The following IL26 variants were observed in gnomAD, a reference collection of about 807,000 sequenced individuals.
IL26 encodes interleukin 26.
Under a neutral mutation model 21.7 loss-of-function variants are expected in IL26, and 23 were observed. That is an observed-to-expected ratio of 1.06 (90% CI 0.76 to 1.50). The LOEUF is 1.50. Among genes scored for constraint, IL26 ranks in the 40% most tolerant of loss-of-function variants. The probability of loss-of-function intolerance (pLI) is 0.00; values close to 1 mark genes in which losing one functional copy is unlikely to be tolerated. For synonymous variants in IL26, 63 were observed against 67.8 expected, an observed-to-expected ratio of 0.93 and a Z score of 0.34; for missense variants, 204 against 196.0, an observed-to-expected ratio of 1.04 and a Z score of -0.24.
rs962352823 is a variant in IL26 at position 68,201,554 on chromosome 12, G to A, written c.*291C>T. The stretch of plus-strand genomic sequence containing the variant: ...CCCACTCCACACACAAATATTACAC[G>A]AGTTAATTCAGGTTACATACTTTAA... On this transcript the variant is annotated 3_prime_UTR_variant, in exon 5 of 5. Coordinates refer to ENST00000229134, the MANE Select transcript of IL26 (RefSeq NM_018402.2). The A allele has an allele frequency of 3.1e-5, 7 of 228,262 alleles. No homozygotes were observed. Among genetic ancestry groups the A allele is most frequent in the African/African-American group, 6.9e-5 (3 of 43,408 alleles). 14.1% of individuals were successfully genotyped at this position (228,262 alleles called of 1,614,324 possible).
intron 3 of IL26, among the ~76,000 whole-genome samples, chr12:68,204,783 C>T (rs767754241): frequency 1.3e-5 from 2 of 152,148 alleles, no homozygotes; most frequent in African/African-American, 4.8e-5. Flanking sequence ...CTACGAGTGA[C>T]CCCTAGTAAA....
At chr12:68,204,151 T>C (rs1868466462) in intron 3 of IL26, among the ~76,000 whole-genome samples, 1 of 148,400 alleles carries the variant, frequency 6.7e-6, no homozygotes, top group Non-Finnish European at 1.5e-5. Context: ...ATTTTTTTTT[T>C]TTTTTTTTTT....
intron 3 of IL26, among the ~76,000 whole-genome samples, chr12:68,202,990 G>A (rs1018383503): frequency 6.6e-6 from 1 of 152,142 alleles, no homozygotes; most frequent in African/African-American, 2.4e-5. Context: ...TGAAGGACAT[G>A]AGAATGACAA....
intron 3 of IL26, among the ~76,000 whole-genome samples, chr12:68,218,502 G>A (rs1592900085): frequency 6.6e-6 from 1 of 152,100 alleles, no homozygotes; most frequent in African/African-American, 2.4e-5. Flanking sequence ...TGATCTTGAA[G>A]ATGTAGCAAT....
At chr12:68,209,629 T>A (rs1191435432) in intron 3 of IL26, among the ~76,000 whole-genome samples, 1 of 152,098 alleles carries the variant, frequency 6.6e-6, no homozygotes, top group Non-Finnish European at 1.5e-5. Context: ...CAGAGCTTGG[T>A]GTTCCAAAAG....
In IL26 at chr12:68,202,171, G is replaced by T. The variant is rs1868408429; in HGVS notation, c.364-88C>A. 7 of 838,692 alleles carry T rather than the reference G, an allele frequency of 8.3e-6. No homozygotes were observed. The South Asian group carries it at 9.5e-5, about 11-fold the overall frequency. 52.0% of individuals were successfully genotyped at this position (838,692 alleles called of 1,614,324 possible). A position where few individuals can be genotyped will look rare whatever the true frequency, so the allele number is the denominator to read the frequency against. ...TCATTCAACAAATATTTATAGAGCA[G>T]GTATTATGTGCTGAGCACTAGATAT... On this transcript the variant is annotated intron_variant, in intron 3 of 4. Transcript: ENST00000229134.
chr12:68,222,021 GAA>G (rs1423800054), intron 3 of IL26, among the ~76,000 whole-genome samples: 2 of 152,152 alleles, frequency 1.3e-5, no homozygotes, highest in African/African-American at 4.8e-5. Flanking sequence ...ATAATTATCT[GAA>G]AAAAAGTTAC....
chr12:68,202,177 A>T (rs1445642495), intron 3 of IL26, 94 bp from the exon 4 acceptor site: 93 of 797,494 alleles, frequency 1.2e-4, no homozygotes, highest in Non-Finnish European at 2.0e-6. Context: ...AGCAGGTATT[A>T]TGTGCTGAGC....
rs372744599 is a variant in IL26 at position 68,202,058 on chromosome 12, T to G, written c.389A>C (p.Glu130Ala). 6.3e-6 allele frequency: 10 copies of G among 1,584,238 alleles called. No homozygotes were observed. The highest frequency in any genetic ancestry group is 8.6e-6 in the Non-Finnish European group (10 of 1,159,470). Reference sequence around the variant, plus strand: ...TTTCATCCTGGTAATGGATTTCATCTCTCTAGCTGATGAAGCACAGGAAAT... The same window carrying G: ...TTTCATCCTGGTAATGGATTTCATCGCTCTAGCTGATGAAGCACAGGAAAT... The part of the protein sequence containing the change: ...HCISCASSAR[E>A]MKSITRMKRI... The change falls in exon 4 of 5, where the codon GAG becomes GCG. Residue 130 changes from glutamate (E) to alanine (A), a missense_variant. By Grantham distance (107) the Glu-to-Ala change is moderately radical. Coordinates refer to ENST00000229134, the MANE Select transcript of IL26 (RefSeq NM_018402.2).
At chr12:68,224,255 G>A (rs368600768) in intron 3 of IL26, among the ~76,000 whole-genome samples, 1 of 152,006 alleles carries the variant, frequency 6.6e-6, no homozygotes, top group East Asian at 1.9e-4. Flanking sequence ...GAGGCAACTC[G>A]ACTAACATTG....
At chr12:68,208,699 C>T (rs1868616278) in intron 3 of IL26, among the ~76,000 whole-genome samples, 2 of 152,104 alleles carry the variant, frequency 1.3e-5, no homozygotes, top group East Asian at 3.9e-4. Context: ...TAGGGTTTCA[C>T]CATGTTGGCC....
At chr12:68,206,697 G>A (rs780618921) in intron 3 of IL26, among the ~76,000 whole-genome samples, 42 of 152,126 alleles carry the variant, frequency 2.8e-4, no homozygotes, top group Non-Finnish European at 5.6e-4. Flanking sequence ...ATTCCTTCCT[G>A]CCTTAAAATC....
chr12:68,219,836 G>GA (rs969639638), intron 3 of IL26, among the ~76,000 whole-genome samples: 2 of 151,524 alleles, frequency 1.3e-5, no homozygotes, highest in Admixed American at 6.6e-5. Context: ...CCATGAGAAA[G>GA]AAAAAATAAA....
intron 3 of IL26, among the ~76,000 whole-genome samples, chr12:68,212,781 A>G (rs139094774): frequency 7.4e-4 from 112 of 152,188 alleles, no homozygotes; most frequent in African/African-American, 2.6e-3. Context: ...ATCAGTTCTA[A>G]CAGTTTAGGT....
At chr12:68,204,252 C>T (rs1417584700) in intron 3 of IL26, among the ~76,000 whole-genome samples, 2 of 151,108 alleles carry the variant, frequency 1.3e-5, no homozygotes, top group African/African-American at 2.4e-5. Flanking sequence ...CACGCCATTC[C>T]CCTGCCTCAG....
At chr12:68,222,113 A>G (rs980877428) in intron 3 of IL26, among the ~76,000 whole-genome samples, 1 of 152,228 alleles carries the variant, frequency 6.6e-6, no homozygotes, top group African/African-American at 2.4e-5. Context: ...AAAATTGTCA[A>G]CAGAAATAAA....
intron 3 of IL26, among the ~76,000 whole-genome samples, chr12:68,220,110 A>C (rs1869004924): frequency 6.6e-6 from 1 of 152,108 alleles, no homozygotes; most frequent in Admixed American, 6.5e-5. Context: ...CTAAGCAAAA[A>C]TGGCTTCACT....
chr12:68,220,623 A>G (rs11570998), intron 3 of IL26, among the ~76,000 whole-genome samples: 4,706 of 152,308 alleles, frequency 0.031, 248 homozygotes, highest in African/African-American at 0.11. Context: ...CATAAAATGT[A>G]AAATCTCTTC....
Position 68,217,795 on chromosome 12 carries a change from T to C in IL26, c.363+7354A>G, listed in dbSNP as rs558405473. 5.3e-5 allele frequency among the ~76,000 whole-genome samples: 8 copies of C among 152,192 alleles called. No homozygotes were observed. In the South Asian group the frequency reaches 1.5e-3, roughly 28 times the overall value. ...GTCTCTCTGTATAATTGTTAATGTA[T>C]GGTAAATAAAGAGGAGAATATATTA... On this transcript the variant is annotated intron_variant, in intron 3 of 4. Coordinates refer to ENST00000229134, the MANE Select transcript of IL26 (RefSeq NM_018402.2).
Sources: gnomAD v4.1 joint callset for allele counts (sites outside exome capture counted in the v4.1 genomes callset) on GRCh38, gnomAD v4.1.1 for gene constraint, MANE v1.5 for transcripts, NCBI Gene and HGNC (gene_info 2026-07-23, HGNC 2026-07-21) for gene names.